Variants in STK11IP observed in about 807,000 individuals in gnomAD.
STK11IP encodes serine/threonine kinase 11 interacting protein.
STK11IP carries 103 observed loss-of-function variants against 131.7 expected under a neutral mutation model. That is an observed-to-expected ratio of 0.78 (90% CI 0.67 to 0.92). The LOEUF is 0.92. Among genes scored for constraint, STK11IP ranks in the 40% least tolerant of loss-of-function variants. STK11IP has a pLI of 0.00. For missense variants in STK11IP, 1,315 were observed against 1,385.7 expected, an observed-to-expected ratio of 0.95 and a Z score of 0.81; for synonymous variants, 557 against 575.6, an observed-to-expected ratio of 0.97 and a Z score of 0.46.
rs771805777 is a variant in STK11IP at position 219,608,399 on chromosome 2, A to C, written c.1572A>C (p.Glu524Asp). The stretch of plus-strand genomic sequence containing the variant: ...GAGAAGAGGAGGCAGGAGAGGAGGA[A>C]GAAGAGGAGCAGGACCAGAAGGAAG... ...EQGEEEAGEE[E>D]EEEQDQKEVE... is the part of the protein sequence containing the mutation. Residue 524 changes from glutamate to aspartate, a missense_variant, in exon 14 of 25, where the codon GAA (glutamate) becomes GAC (aspartate). Physicochemically the swap from Glu to Asp is conservative, Grantham distance 45. Coordinates refer to ENST00000456909, the MANE Select transcript of STK11IP (RefSeq NM_052902.4). The C allele has an allele frequency of 1.9e-6, 3 of 1,575,194 alleles. No homozygotes were observed. Among genetic ancestry groups the C allele is most frequent in the South Asian group, 2.3e-5 (2 of 86,252 alleles).
chr2:219,613,276 G>T, intron 20 of STK11IP, 51 bp downstream of exon 20: 1 of 241,660 alleles, frequency 4.1e-6, no homozygotes, highest in South Asian at 2.8e-5. Flanking sequence ...GGGTGAGTTG[G>T]GGGGAGATGG....
At chr2:219,607,903 C>G in intron 13 of STK11IP, 144 bp from the exon 14 acceptor site, 1 of 1,070,616 alleles carries the variant, frequency 9.3e-7, no homozygotes, top group Non-Finnish European at 1.3e-6. Context: ...TAGTACATGC[C>G]GCGGAGGGGA....
At position 219,598,186 on chromosome 2, in the gene STK11IP, T is replaced by C; in HGVS notation, c.61+6T>C. ...GGGGTTGCTGCGGGAGTCCGGTGAG[T>C]GGACTTCCGGTTGGGCTGGGCCTCG... On this transcript the variant is annotated splice_donor_region_variant and intron_variant, in intron 2 of 24. Transcript: ENST00000456909. The C allele has an allele frequency of 1.9e-6, 3 of 1,544,196 alleles. No individual in the cohort carries two copies. Among genetic ancestry groups the C allele is most frequent in the Non-Finnish European group, 2.6e-6 (3 of 1,142,932 alleles).
At chr2:219,613,015 TG>T in intron 19 of STK11IP, 112 bp from the exon 20 acceptor site, 2 of 709,424 alleles carry the variant, frequency 2.8e-6, no homozygotes, top group Non-Finnish European at 2.5e-6. Flanking sequence ...GACTGGTGGG[TG>T]GGCAGTGGGA....
Position 219,598,164 on chromosome 2 carries a change from G to A in STK11IP, c.45G>A (p.Gly15=), listed in dbSNP as rs1324307305. The change falls in exon 2 of 25, where the codon GGG becomes GGA. Residue 15 remains glycine (G), a synonymous_variant. Transcript: ENST00000456909. ...ACTCCCTGTTGTGGAAGCTCGCGGG[G>A]TTGCTGCGGGAGTCCGGTGAGTGGA... ...QRDSLLWKLA[G]LLRESGDVVL... is the part of the protein sequence containing the mutation. The A allele has an allele frequency of 6.4e-7, 1 of 1,568,328 alleles. No individual in the cohort carries two copies. Among genetic ancestry groups the A allele is most frequent in the South Asian group, 1.2e-5 (1 of 85,330 alleles).
intron 15 of STK11IP, 72 bp from the exon 16 acceptor site, chr2:219,609,025 C>G (rs1353366524): frequency 8.1e-6 from 10 of 1,239,658 alleles, no homozygotes; most frequent in Admixed American, 2.0e-5. Flanking sequence ...ATCCTCCATG[C>G]TCTCAGCATC....
chr2:219,600,534 G>A (rs936737315), intron 2 of STK11IP, among the ~76,000 whole-genome samples: 1 of 152,108 alleles, frequency 6.6e-6, no homozygotes, highest in South Asian at 2.1e-4. Flanking sequence ...TATTTTTTAA[G>A]CCAAAAAAGC....
Position 219,606,197 on chromosome 2 carries a change from C to T in STK11IP, c.852C>T (p.Leu284=), listed in dbSNP as rs372006450. The T allele has an allele frequency of 2.6e-5, 40 of 1,562,538 alleles. No homozygotes were observed. The African/African-American group carries it at 4.5e-4, about 18-fold the overall frequency. The change falls in exon 10 of 25, where the codon CTC becomes CTT. Residue 284 remains leucine, a splice_region_variant and synonymous_variant. Coordinates refer to ENST00000456909, the MANE Select transcript of STK11IP (RefSeq NM_052902.4). ...PLWLLAELRK[L]YLEGNPLWFH... ...ATTCTCCCCTTCCTGCCCCTCAGCT[C>T]TACCTGGAGGGGAACCCTCTTTGGT...
At chr2:219,613,059 C>T (rs915326831) in intron 19 of STK11IP, 69 bp from the exon 20 acceptor site, 30 of 1,323,330 alleles carry the variant, frequency 2.3e-5, no homozygotes, top group East Asian at 9.7e-5. Flanking sequence ...ACCAGGAACT[C>T]GGCTTTCAGT....
At chr2:219,612,260 C>G (rs1305834139) in intron 19 of STK11IP, among the ~76,000 whole-genome samples, 2 of 152,226 alleles carry the variant, frequency 1.3e-5, no homozygotes. Flanking sequence ...ATGGAGATAA[C>G]GATGCCTCCC....
intron 14 of STK11IP, 34 bp downstream of exon 14, chr2:219,608,464 CA>C (rs1698276234): frequency 6.5e-7 from 1 of 1,534,718 alleles, no homozygotes; most frequent in Non-Finnish European, 8.8e-7. Context: ...GAGCTGAGGC[CA>C]GGGGCCCTTG....
Position 219,614,531 on chromosome 2 carries a change from G to T in STK11IP, c.2854G>T (p.Ala952Ser). 1 of 1,613,800 alleles carries T rather than the reference G, an allele frequency of 6.2e-7. No homozygotes were observed. Among genetic ancestry groups the T allele is most frequent in the African/African-American group, 1.3e-5 (1 of 75,054 alleles). Residue 952 changes from alanine (A) to serine (S), a missense_variant, in exon 23 of 25, where the codon GCG (alanine) becomes TCG (serine). Physicochemically the swap from Ala to Ser is moderately conservative, Grantham distance 99. Coordinates refer to ENST00000456909, the MANE Select transcript of STK11IP (RefSeq NM_052902.4). ...LEARQFFYLR[A>S]FLVEGPSTCL... ...GGCTCGCCAGTTCTTCTACCTTCGG[G>T]CGTTCCTGGTTGAAGGTGAAGCCTC...
intron 13 of STK11IP, among the ~76,000 whole-genome samples, chr2:219,607,435 T>C (rs1343440427): frequency 6.6e-6 from 1 of 151,996 alleles, no homozygotes; most frequent in Non-Finnish European, 1.5e-5. Context: ...GGTGGGAGGA[T>C]TGCCTGAGCC....
chr2:219,611,700 A>C lies in STK11IP; in HGVS notation c.2201A>C (p.Gln734Pro), dbSNP rs769571874. The change falls in exon 18 of 25, where the codon CAG becomes CCG. Residue 734 changes from glutamine (Q) to proline (P), a missense_variant. Gln to Pro is a moderately conservative substitution (Grantham distance 76). Transcript: ENST00000456909. ...TPNRERKQGEQSLAPSPSASP... is the reference protein window; with the variant it reads ...TPNRERKQGEPSLAPSPSASP... ...AACAGGGAGCGGAAACAGGGAGAGCAGTCTCTGGCTCCTTCTCCGTCTGCC... is the reference window on the plus strand; with the variant it reads ...AACAGGGAGCGGAAACAGGGAGAGCCGTCTCTGGCTCCTTCTCCGTCTGCC... The C allele has an allele frequency of 1.2e-6, 2 of 1,613,096 alleles. No individual in the cohort carries two copies. Among genetic ancestry groups the C allele is most frequent in the South Asian group, 2.2e-5 (2 of 91,080 alleles).
intron 19 of STK11IP, 53 bp downstream of exon 19, chr2:219,612,111 G>T: frequency 6.6e-7 from 1 of 1,506,270 alleles, no homozygotes. Flanking sequence ...GTGCCCACTC[G>T]TTTCCATCAC....
At chr2:219,615,462 T>TA in intron 24 of STK11IP, 121 bp downstream of exon 24, 2 of 1,328,372 alleles carry the variant, frequency 1.5e-6, no homozygotes, top group Non-Finnish European at 2.0e-6. Flanking sequence ...GGATGGCACT[T>TA]ACAGATGAGA....
chr2:219,606,068 G>A lies in STK11IP; in HGVS notation c.849+9G>A, dbSNP rs747779876. The A allele has an allele frequency of 6.3e-7, 1 of 1,590,550 alleles. No homozygotes were observed. Among genetic ancestry groups the A allele is most frequent in the Admixed American group, 1.8e-5 (1 of 56,304 alleles). ...TGGCTGAGCTCCGCAAGGTGAGATGGGAATGCATCAGGGGCCTGGGAACCA... is the reference window on the plus strand; with the variant it reads ...TGGCTGAGCTCCGCAAGGTGAGATGAGAATGCATCAGGGGCCTGGGAACCA... On this transcript the variant is annotated intron_variant, in intron 9 of 24. Transcript: ENST00000456909.
Position 219,601,320 on chromosome 2 carries a change from G to A in STK11IP, c.147G>A (p.Leu49=), listed in dbSNP as rs1040472111. The stretch of plus-strand genomic sequence containing the variant: ...TGAACCACGTATTTGAGCTGCACCT[G>A]GGGCCATGGGGCCCTGGCCAGACAG... ...QQLNHVFELH[L]GPWGPGQTGF... The change falls in exon 3 of 25, where the codon CTG becomes CTA. Residue 49 remains leucine, a synonymous_variant. Coordinates refer to ENST00000456909, the MANE Select transcript of STK11IP (RefSeq NM_052902.4). The A allele has an allele frequency of 1.9e-6, 3 of 1,613,930 alleles. No individual in the cohort carries two copies. In the Admixed American group the frequency reaches 5.0e-5, roughly 27 times the overall value.
intron 22 of STK11IP, 63 bp downstream of exon 22, chr2:219,614,305 C>T: frequency 2.5e-6 from 4 of 1,590,412 alleles, no homozygotes; most frequent in Non-Finnish European, 2.6e-6. Context: ...GAGCCCCAGA[C>T]ATGGCCCTGT....
Sources: allele counts gnomAD v4.1 joint callset (sites outside exome capture counted in the v4.1 genomes callset), GRCh38; gene constraint gnomAD v4.1.1; transcripts MANE v1.5; gene names NCBI Gene and HGNC (gene_info 2026-07-23, HGNC 2026-07-21).